The following PCNX1 variants were observed in gnomAD, a reference collection of about 807,000 sequenced individuals.
The protein encoded by PCNX1 is pecanex 1.
A neutral mutation model predicts 242.2 loss-of-function variants in PCNX1; 78 were observed. The ratio of observed to expected loss-of-function variants is 0.32; its 90% CI spans 0.27 to 0.39. The LOEUF is 0.39. Among genes scored for constraint, PCNX1 ranks in the 10% least tolerant of loss-of-function variants. The probability of loss-of-function intolerance (pLI) is 1.00; values close to 1 mark genes in which losing one functional copy is unlikely to be tolerated. For missense variants in PCNX1, 2,581 were observed against 2,856.5 expected (o/e 0.90, Z 2.20); for synonymous variants, 1,024 against 1,032.9 (o/e 0.99, Z 0.17).
intron 30 of PCNX1, among the ~76,000 whole-genome samples, chr14:71,092,148 G>T (rs1335991230): frequency 1.3e-5 from 2 of 152,200 alleles, no homozygotes; most frequent in Non-Finnish European, 2.9e-5. Flanking sequence ...AACTGTGGTT[G>T]CCCACCATTC....
At chr14:71,109,341 A>G (rs1289096215) in intron 34 of PCNX1, 111 bp from the exon 35 acceptor site, 3 of 1,007,474 alleles carry the variant, frequency 3.0e-6, no homozygotes, top group African/African-American at 1.6e-5. Flanking sequence ...TTATTCCATT[A>G]TAGGAATTTA....
At chr14:71,041,269 T>G (rs934150249) in intron 19 of PCNX1, among the ~76,000 whole-genome samples, 11 of 152,254 alleles carry the variant, frequency 7.2e-5, no homozygotes, top group African/African-American at 2.6e-4. Context: ...TCCGTAGTGG[T>G]TGTACTAATT....
chr14:71,043,507 C>T (rs1227566343), intron 19 of PCNX1, among the ~76,000 whole-genome samples: 1 of 151,756 alleles, frequency 6.6e-6, no homozygotes, highest in Non-Finnish European at 1.5e-5. Flanking sequence ...CCCTCCCTCC[C>T]TCCCTCCCTT....
At chr14:71,047,652 A>G (rs1359002529) in intron 21 of PCNX1, among the ~76,000 whole-genome samples, 155 bp from the exon 22 acceptor site, 1 of 152,156 alleles carries the variant, frequency 6.6e-6, no homozygotes, top group African/African-American at 2.4e-5. Flanking sequence ...TACTTTCAGG[A>G]TGTGATTTAC....
At chr14:71,062,515 A>G (rs916544519) in intron 26 of PCNX1, among the ~76,000 whole-genome samples, 4 of 151,950 alleles carry the variant, frequency 2.6e-5, no homozygotes, top group Non-Finnish European at 2.9e-5. Flanking sequence ...AAAAATTTTA[A>G]AAAAGCTTAC....
At chr14:71,052,237 G>T in intron 24 of PCNX1, among the ~76,000 whole-genome samples, 1 of 150,500 alleles carries the variant, frequency 6.6e-6, no homozygotes. Flanking sequence ...TTTCATACAG[G>T]GTCTCATTCT....
chr14:71,018,634 T>G (rs2060018945), intron 11 of PCNX1, among the ~76,000 whole-genome samples: 3 of 152,202 alleles, frequency 2.0e-5, no homozygotes, highest in Non-Finnish European at 2.9e-5. Flanking sequence ...GAGATTTTGT[T>G]TTTTAAACAT....
chr14:71,078,929 C>A (rs1285407983), intron 28 of PCNX1, among the ~76,000 whole-genome samples: 1 of 152,124 alleles, frequency 6.6e-6, no homozygotes, highest in East Asian at 1.9e-4. Context: ...TATACACATG[C>A]CATGGTGGCT....
chr14:71,016,008 C>T (rs938695410), intron 11 of PCNX1, among the ~76,000 whole-genome samples: 5 of 151,986 alleles, frequency 3.3e-5, no homozygotes, highest in African/African-American at 7.2e-5. Context: ...GCCTGGGCAA[C>T]GTAGACCCAG....
rs983775729 is a variant in PCNX1, at chr14:70,996,240, TA to T, written c.2629+324del. ...ATGTAGGAGAAAACGTTGACTTTTT[TA>T]AAAAAAAAGTTTCTTACTAAACTTT... On this transcript the variant is annotated intron_variant, in intron 8 of 35. Coordinates refer to ENST00000304743, the MANE Select transcript of PCNX1 (RefSeq NM_014982.3). Among the ~76,000 whole-genome samples, 550 of 151,244 alleles carry T rather than the reference TA, an allele frequency of 3.6e-3. 1 individual carries two copies. Among genetic ancestry groups the T allele is most frequent in the African/African-American group, 0.013 (532 of 41,274 alleles).
At chr14:70,916,200 G>A (rs1381121573) in intron 1 of PCNX1, among the ~76,000 whole-genome samples, 1 of 152,120 alleles carries the variant, frequency 6.6e-6, no homozygotes, top group Admixed American at 6.6e-5. Flanking sequence ...AATTTTGAAG[G>A]TATCTTTGAG....
chr14:70,952,696 T>C (rs1473227104), intron 2 of PCNX1, among the ~76,000 whole-genome samples: 1 of 152,116 alleles, frequency 6.6e-6, no homozygotes, highest in Non-Finnish European at 1.5e-5. Context: ...TAGACCATAG[T>C]CTATTTATTC....
chr14:70,927,578 T>C (rs940114110), intron 1 of PCNX1, among the ~76,000 whole-genome samples: 3 of 151,830 alleles, frequency 2.0e-5, no homozygotes, highest in Non-Finnish European at 4.4e-5. Flanking sequence ...TCTCTTTTAT[T>C]TATTTATTTA....
chr14:71,098,983 T>C (rs139277060), intron 30 of PCNX1, among the ~76,000 whole-genome samples: 240 of 152,284 alleles, frequency 1.6e-3, no homozygotes, highest in Middle Eastern at 3.4e-3. Context: ...TATCTCTGTT[T>C]TCATTTATTT....
At chr14:71,075,149 C>T (rs1474252413) in intron 27 of PCNX1, among the ~76,000 whole-genome samples, 5 of 151,898 alleles carry the variant, frequency 3.3e-5, no homozygotes, top group Admixed American at 2.6e-4. Context: ...TGCATGCCAC[C>T]ACACCCAGCT....
chr14:71,083,131 G>A (rs2061897513), intron 28 of PCNX1, among the ~76,000 whole-genome samples: 1 of 152,170 alleles, frequency 6.6e-6, no homozygotes, highest in Admixed American at 6.5e-5. Context: ...GGCTGGATAT[G>A]CAATTCTGGG....
In PCNX1 at chr14:71,076,106, G is replaced by C. The variant is rs556758809; in HGVS notation, c.5107-83G>C. The stretch of plus-strand genomic sequence containing the variant: ...TTACTATTTATCATTATAAATAATT[G>C]GAATTTATTTCATTGAGTAATCTGA... On this transcript the variant is annotated intron_variant, in intron 27 of 35. Coordinates refer to ENST00000304743, the MANE Select transcript of PCNX1 (RefSeq NM_014982.3). 9 of 815,420 alleles carry C rather than the reference G, an allele frequency of 1.1e-5. No homozygotes were observed. The African/African-American group carries it at 1.4e-4, about 13-fold the overall frequency. The allele number at this position is 815,420 out of a possible 1,614,324, so 50.5% of individuals were successfully genotyped here.
At chr14:70,988,326 T>C (rs1312816246) in intron 6 of PCNX1, among the ~76,000 whole-genome samples, 3 of 152,148 alleles carry the variant, frequency 2.0e-5, no homozygotes, top group Non-Finnish European at 2.9e-5. Context: ...GAAGAGAAGA[T>C]GGCAAGGCTA....
At chr14:70,925,883 C>T (rs540058238) in intron 1 of PCNX1, among the ~76,000 whole-genome samples, 100 of 152,006 alleles carry the variant, frequency 6.6e-4, no homozygotes, top group African/African-American at 2.2e-3. Flanking sequence ...TCCTTTTGAC[C>T]GCCATAGCCA....
Sources: gnomAD v4.1 joint callset for allele counts (sites outside exome capture counted in the v4.1 genomes callset) on GRCh38, gnomAD v4.1.1 for gene constraint, MANE v1.5 for transcripts, NCBI Gene and HGNC (gene_info 2026-07-23, HGNC 2026-07-21) for gene names.